Variants in SH3BP5L observed in about 807,000 individuals in gnomAD.
SH3BP5L encodes SH3 binding domain protein 5 like, also known as SH3 domain-binding protein 5-like.
Under a neutral mutation model 40.9 loss-of-function variants are expected in SH3BP5L, and 16 were observed. That is an observed-to-expected ratio of 0.39 (90% CI 0.27 to 0.59). The LOEUF is 0.59. Among genes scored for constraint, SH3BP5L ranks in the 20% least tolerant of loss-of-function variants. The probability of loss-of-function intolerance (pLI) is 0.53; values close to 1 mark genes in which losing one functional copy is unlikely to be tolerated. For synonymous variants in SH3BP5L, 229 were observed against 226.7 expected (o/e 1.01, Z -0.09); for missense variants, 471 against 544.6 (o/e 0.86, Z 1.35).
At chr1:248,817,547 A>G (rs1399724842) in intron 2 of SH3BP5L, among the ~76,000 whole-genome samples, 1 of 152,250 alleles carries the variant, frequency 6.6e-6, no homozygotes, top group Non-Finnish European at 1.5e-5. Flanking sequence ...GAAGGACTTC[A>G]TAGACACAAA....
At chr1:248,817,091 A>C (rs1664130483) in intron 2 of SH3BP5L, 1 of 1,512,072 alleles carries the variant, frequency 6.6e-7, no homozygotes, top group African/African-American at 1.4e-5. Context: ...CGTAATCCTC[A>C]CAACTCTACC....
At position 248,811,911 on chromosome 1, in the gene SH3BP5L, C is replaced by T; in HGVS notation, c.1171G>A (p.Val391Ile). The T allele has an allele frequency of 6.5e-7, 1 of 1,532,134 alleles. No homozygotes were observed. Among genetic ancestry groups the T allele is most frequent in the Non-Finnish European group, 8.8e-7 (1 of 1,136,904 alleles). 94.9% of individuals were successfully genotyped at this position (1,532,134 alleles called of 1,614,324 possible). A position where few individuals can be genotyped will look rare whatever the true frequency, so the allele number is the denominator to read the frequency against. The change falls in exon 7 of 7, where the codon GTC (valine) becomes ATC (isoleucine). Residue 391 changes from valine to isoleucine, a missense_variant. Val to Ile is a conservative substitution (Grantham distance 29). Around this residue, in one of 2 missense-constraint regions of SH3BP5L, gnomAD observed 196 missense variants for 174.6 expected, o/e 1.12. Transcript: ENST00000366472. The part of the protein sequence containing the change: ...GARGGRHQRS[V>I]SL ...CCCTGGCCCCTCGGCTACAGGCTGA[C>T]GCTGCGCTGGTGCCGACCCCCACGG...
chr1:248,816,891 CAG>C lies in SH3BP5L; in HGVS notation c.184-9_184-8del. ...TCAGGTGCTCCAACTCCTCCTGCCA[CAG>C]AGAGGGGTGGCAAATTAGTGCAGTG... On this transcript the variant is annotated splice_region_variant and splice_polypyrimidine_tract_variant and intron_variant, in intron 2 of 6. Transcript: ENST00000366472. 6.2e-7 allele frequency: 1 copy of C among 1,614,122 alleles called. No individual in the cohort carries two copies. Among genetic ancestry groups the C allele is most frequent in the South Asian group, 1.1e-5 (1 of 91,086 alleles).
chr1:248,823,331 C>G (rs1664298424), intron 2 of SH3BP5L, among the ~76,000 whole-genome samples: 3 of 152,160 alleles, frequency 2.0e-5, no homozygotes, highest in Admixed American at 1.3e-4. Flanking sequence ...TGTGTCAGAG[C>G]AGAGCAAGAA....
intron 2 of SH3BP5L, among the ~76,000 whole-genome samples, chr1:248,819,086 C>T (rs1664185421): frequency 6.6e-6 from 1 of 152,222 alleles, no homozygotes; most frequent in South Asian, 2.1e-4. Context: ...TCTACCTCTT[C>T]TATCCTCCCC....
In SH3BP5L at chr1:248,825,166, C is replaced by G; in HGVS notation, c.-231G>C. On this transcript the variant is annotated 5_prime_UTR_variant, in exon 2 of 7. Transcript: ENST00000366472. ...TTGTCTGTGCAAAAGTTCTTCCCTT[C>G]CCGCCACAGGGAGTCCACTGTGACA... 2.3e-6 allele frequency: 3 copies of G among 1,303,824 alleles called. No individual in the cohort carries two copies. Among genetic ancestry groups the G allele is most frequent in the Non-Finnish European group, 2.9e-6 (3 of 1,026,816 alleles). The allele number at this position is 1,303,824 out of a possible 1,614,324, so 80.8% of individuals were successfully genotyped here. A position where few individuals can be genotyped will look rare whatever the true frequency, so the allele number is the denominator to read the frequency against.
rs1024913491 is a variant in SH3BP5L at position 248,812,924 on chromosome 1, C to T, written c.711+65G>A. On this transcript the variant is annotated intron_variant, in intron 6 of 6. Coordinates refer to ENST00000366472, the MANE Select transcript of SH3BP5L (RefSeq NM_030645.3). This position sits in a 1 kb window ranked among gnomAD's most constrained non-coding sequence, Gnocchi z 6.1. ...CACCAAGATGGCCCAGAGAGGCCGA[C>T]CAGCATCCCCTCCAGCCTGCACCCC... 2.1e-6 allele frequency: 3 copies of T among 1,460,382 alleles called. No homozygotes were observed. The highest frequency in any genetic ancestry group is 2.8e-5 in the African/African-American group (2 of 70,490). 90.5% of individuals were successfully genotyped at this position (1,460,382 alleles called of 1,614,324 possible).
At chr1:248,817,153 G>A (rs891231363) in intron 2 of SH3BP5L, 81 of 1,000,252 alleles carry the variant, frequency 8.1e-5, no homozygotes, top group Non-Finnish European at 5.4e-5. Context: ...TTGAGGTTTG[G>A]AGAATGCAAC....
Position 248,824,811 on chromosome 1 carries a change from C to T in SH3BP5L, c.125G>A (p.Ser42Asn), listed in dbSNP as rs139521444. 1 of 1,614,208 alleles carries T rather than the reference C, an allele frequency of 6.2e-7. No homozygotes were observed. The highest frequency in any genetic ancestry group is 8.5e-7 in the Non-Finnish European group (1 of 1,180,036). The change falls in exon 2 of 7, where the codon AGC (serine) becomes AAC (asparagine). Residue 42 changes from serine to asparagine, a missense_variant. Physicochemically the swap from Ser to Asn is conservative, Grantham distance 46 (BLOSUM62 1). Transcript: ENST00000366472. Reference sequence around the variant, plus strand: ...TGGGGACAATTTGGCCTCACTGCTGCTGCTTCCACCTCCTCCAGGCTCTTC... The same window carrying T: ...TGGGGACAATTTGGCCTCACTGCTGTTGCTTCCACCTCCTCCAGGCTCTTC... ...VAEEPGGGGS[S>N]SSEAKLSPRE...
At position 248,813,041 on chromosome 1, in the gene SH3BP5L, C is replaced by T. The variant is rs1356465565; in HGVS notation, c.659G>A (p.Gly220Asp). 6.2e-7 allele frequency: 1 copy of T among 1,609,690 alleles called. No homozygotes were observed. Among genetic ancestry groups the T allele is most frequent in the Non-Finnish European group, 8.5e-7 (1 of 1,177,030 alleles). The change falls in exon 6 of 7, where the codon GGC becomes GAC. Residue 220 changes from glycine to aspartate, a missense_variant. This residue lies in a region of SH3BP5L where 275 missense variants were observed against 370.1 expected (regional missense o/e 0.74). Coordinates refer to ENST00000366472, the MANE Select transcript of SH3BP5L (RefSeq NM_030645.3). ...GAGCTCAAAGTAGGGGCGGCTCTTG[C>T]CGATGGCCCTCCGGAGGGTCTTCTG... ...ALQKTLRRAI[G>D]KSRPYFELKA... is the part of the protein sequence containing the mutation.
chr1:248,817,677 AC>A (rs2103015814), intron 2 of SH3BP5L, among the ~76,000 whole-genome samples: 2 of 151,526 alleles, frequency 1.3e-5, no homozygotes, highest in African/African-American at 4.8e-5. Context: ...ACATGGTGAA[AC>A]CCTGTCTCTA....
chr1:248,813,135 G>C lies in SH3BP5L; in HGVS notation c.565C>G (p.Arg189Gly). The change falls in exon 6 of 7, where the codon CGA becomes GGA. Residue 189 changes from arginine to glycine, a missense_variant. Arg to Gly is a moderately radical substitution (Grantham distance 125). Transcript: ENST00000366472. ...ACTCGCTGGTGCTCCCGCTCACCTC[G>C]AAGCCGCTCTTCCTCCGCCTCATTC... Reference protein sequence around the residue: ...KVNEAEEERLRGEREHQRVTR... With the variant: ...KVNEAEEERLGGEREHQRVTR... 3 of 1,602,962 alleles carry C rather than the reference G, an allele frequency of 1.9e-6. No individual in the cohort carries two copies.
intron 1 of SH3BP5L, chr1:248,825,596 G>T: frequency 5.7e-6 from 1 of 176,622 alleles, no homozygotes; most frequent in Non-Finnish European, 1.1e-5. Context: ...CAGCGCCTTC[G>T]AGACTTTCCT....
intron 2 of SH3BP5L, chr1:248,820,607 T>C (rs1664233496): frequency 6.6e-6 from 1 of 152,254 alleles, no homozygotes; most frequent in South Asian, 2.1e-4. Flanking sequence ...GATCTCACTT[T>C]CCTTCCACTG....
chr1:248,813,360 C>T (rs1664009637), intron 5 of SH3BP5L, 198 bp from the exon 6 acceptor site: 1 of 457,612 alleles, frequency 2.2e-6, no homozygotes, highest in African/African-American at 2.0e-5. Flanking sequence ...TTCTGTCTCT[C>T]TTGGATCTGC....
At chr1:248,822,377 C>G (rs1664272996) in intron 2 of SH3BP5L, among the ~76,000 whole-genome samples, 1 of 152,202 alleles carries the variant, frequency 6.6e-6, no homozygotes, top group Admixed American at 6.5e-5. Context: ...CTGCTGAGGT[C>G]AGAGCACTGG....
intron 3 of SH3BP5L, 48 bp from the exon 4 acceptor site, chr1:248,816,710 C>T (rs918223208): frequency 4.3e-6 from 7 of 1,613,310 alleles, no homozygotes; most frequent in African/African-American, 4.0e-5. Context: ...GGTCCCAGCC[C>T]CTCTTGTTTC....
rs192949104 is a variant in SH3BP5L, at chr1:248,817,821, C to T, written c.184-937G>A. 6.6e-4 allele frequency among the ~76,000 whole-genome samples: 100 copies of T among 152,210 alleles called. 1 individual carries two copies. Among genetic ancestry groups the T allele is most frequent in the African/African-American group, 1.7e-3 (70 of 41,526 alleles). On this transcript the variant is annotated intron_variant, in intron 2 of 6. Transcript: ENST00000366472. ...TGAGCCAAGATCACACTACTGCACT[C>T]CAGCCTGGGCAACATAGCGAGACTC... is the stretch of plus-strand genomic sequence containing the variant.
intron 2 of SH3BP5L, among the ~76,000 whole-genome samples, chr1:248,823,029 C>T (rs1363467376): frequency 6.6e-6 from 1 of 152,156 alleles, no homozygotes; most frequent in Non-Finnish European, 1.5e-5. Flanking sequence ...GCAGCTAGTC[C>T]ACCCTATTAG....
Sources: allele counts gnomAD v4.1 joint callset (sites outside exome capture counted in the v4.1 genomes callset), GRCh38; gene constraint gnomAD v4.1.1; regional missense constraint gnomAD v4.1.1; non-coding constraint Gnocchi (gnomAD v3.1); transcripts MANE v1.5; gene names NCBI Gene and HGNC (gene_info 2026-07-23, HGNC 2026-07-21).